STEEP1: variants seen among roughly 807,000 people sequenced by gnomAD.
The protein encoded by STEEP1 is STING1 ER exit protein 1.
STEEP1 carries 3 observed loss-of-function variants against 19.2 expected under a neutral mutation model. The ratio of observed to expected loss-of-function variants is 0.16; its 90% CI spans 0.07 to 0.40. STEEP1 has a LOEUF of 0.40. Among genes scored for constraint, STEEP1 ranks in the 10% least tolerant of loss-of-function variants. STEEP1 has a pLI of 0.99. For missense variants in STEEP1, 54 were observed against 177.1 expected, an observed-to-expected ratio of 0.30 and a Z score of 3.94; for synonymous variants, 46 against 63.7, an observed-to-expected ratio of 0.72 and a Z score of 1.32.
At chrX:119,546,650 A>C (rs1373281770) in intron 2 of STEEP1, among the ~76,000 whole-genome samples, 1 of 110,688 alleles carries the variant, frequency 9.0e-6, no homozygotes, top group African/African-American at 3.3e-5. Context: ...ATACCACCTT[A>C]GACACCAAGT....
At chrX:119,559,770 C>T (rs191465948) in intron 2 of STEEP1, among the ~76,000 whole-genome samples, 1 of 112,473 alleles carries the variant, frequency 8.9e-6, no homozygotes, top group East Asian at 2.8e-4. Flanking sequence ...ATGGAGGGGC[C>T]GGGCACAGTG....
chrX:119,546,375 A>G (rs940191899), intron 2 of STEEP1, among the ~76,000 whole-genome samples: 2 of 103,113 alleles, frequency 1.9e-5, no homozygotes, highest in African/African-American at 3.6e-5. Context: ...TGGAAGGCAG[A>G]GGCTGCAGTG....
chrX:119,562,337 G>T (rs929639928), intron 1 of STEEP1, among the ~76,000 whole-genome samples: 4 of 111,338 alleles, frequency 3.6e-5, no homozygotes, highest in Non-Finnish European at 7.5e-5. Context: ...TTTGAGACCG[G>T]CCTGACCAAC....
chrX:119,565,070 C>A, intron 1 of STEEP1, 162 bp downstream of exon 1: 1 of 847,100 alleles, frequency 1.2e-6, no homozygotes, highest in Non-Finnish European at 1.6e-6. Context: ...AAAAAAATGC[C>A]CTGGAGTGGG....
intron 2 of STEEP1, among the ~76,000 whole-genome samples, chrX:119,554,162 C>T (rs1421407743): frequency 8.9e-6 from 1 of 111,990 alleles, no homozygotes; most frequent in East Asian, 2.8e-4. Flanking sequence ...AAAACATTCT[C>T]GGCCGGGCAC....
Position 119,544,479 on chromosome X carries a change from C to A in STEEP1, c.297G>T (p.Pro99=). The part of the protein sequence containing the change: ...YRKKCAKCGL[P]LFYQSQPKNA... ...TCTTTGGCTGGGATTGGTAGAAGAG[C>A]GGCAGTCCACACCTGCAATGACACA... The change falls in exon 4 of 7, where the codon CCG becomes CCT. Residue 99 remains proline, a synonymous_variant. Transcript: ENST00000644802. The A allele has an allele frequency of 3.3e-6, 4 of 1,209,366 alleles. No homozygotes were observed. The highest frequency in any genetic ancestry group is 4.5e-6 in the Non-Finnish European group (4 of 893,949).
At chrX:119,550,550 A>G (rs1422372123) in intron 2 of STEEP1, among the ~76,000 whole-genome samples, 2 of 112,356 alleles carry the variant, frequency 1.8e-5, no homozygotes, top group Non-Finnish European at 3.8e-5. Flanking sequence ...CATGCTATAT[A>G]CAAAAATTAA....
chrX:119,557,496 GAA>G (rs1395902178), intron 2 of STEEP1, among the ~76,000 whole-genome samples: 41 of 27,615 alleles, frequency 1.5e-3, no homozygotes, highest in Non-Finnish European at 3.3e-3. Context: ...AAAAAAAAAA[GAA>G]AAAAGAAAAA....
At position 119,545,445 on chromosome X, in the gene STEEP1, C is replaced by T. The variant is rs1446941093; in HGVS notation, c.284+18G>A. 8.8e-7 allele frequency: 1 copy of T among 1,132,873 alleles called. No individual in the cohort carries two copies. Among genetic ancestry groups the T allele is most frequent in the East Asian group, 3.0e-5 (1 of 33,125 alleles). The allele number at this position is 1,132,873 out of a possible 1,213,427, so 93.4% of individuals were successfully genotyped here. Reference sequence around the variant, plus strand: ...CTACTTGCCTATGCTTGGAGAAACCCACATTGTTAATACTTACTTTGCACA... The same window carrying T: ...CTACTTGCCTATGCTTGGAGAAACCTACATTGTTAATACTTACTTTGCACA... On this transcript the variant is annotated intron_variant, in intron 3 of 6. Transcript: ENST00000644802.
At chrX:119,557,153 C>A (rs866945095) in intron 2 of STEEP1, among the ~76,000 whole-genome samples, 4 of 13,646 alleles carry the variant, frequency 2.9e-4, no homozygotes, top group Non-Finnish European at 2.8e-4. Context: ...GAGACTCTAT[C>A]TCAAAAAAAA....
chrX:119,557,496 GA>G (rs1395902178), intron 2 of STEEP1, among the ~76,000 whole-genome samples: 1 of 27,615 alleles, frequency 3.6e-5, no homozygotes, highest in East Asian at 2.1e-3. Flanking sequence ...AAAAAAAAAA[GA>G]AAAAAGAAAA....
At chrX:119,562,592 C>CA (rs757927293) in intron 1 of STEEP1, among the ~76,000 whole-genome samples, 37 of 19,272 alleles carry the variant, frequency 1.9e-3, no homozygotes, top group Non-Finnish European at 4.3e-3. Context: ...CCCAGCTACT[C>CA]AAGAGAATCA....
At chrX:119,548,377 A>ACAAAAAATTAGC (rs1405803481) in intron 2 of STEEP1, among the ~76,000 whole-genome samples, 5 of 109,007 alleles carry the variant, frequency 4.6e-5, no homozygotes, top group African/African-American at 1.7e-4. Flanking sequence ...CTACTAAGAT[A>ACAAAAAATTAGC]CAAAAAATTA....
intron 1 of STEEP1, among the ~76,000 whole-genome samples, chrX:119,564,331 A>G (rs1277520293): frequency 9.0e-6 from 1 of 110,612 alleles, no homozygotes; most frequent in East Asian, 2.9e-4. Context: ...CCCCGTCTCT[A>G]CTAAAAACAC....
chrX:119,564,638 A>C (rs1453897308), intron 1 of STEEP1, among the ~76,000 whole-genome samples: 2 of 112,006 alleles, frequency 1.8e-5, no homozygotes, highest in East Asian at 5.6e-4. Flanking sequence ...ATGAACATTG[A>C]TAACTGACCA....
At chrX:119,548,559 C>CA (rs2053223071) in intron 2 of STEEP1, among the ~76,000 whole-genome samples, 1 of 80,411 alleles carries the variant, frequency 1.2e-5, no homozygotes. Context: ...AAAAAAAAGA[C>CA]AAAAATTAAA....
rs2053180801 is a variant in STEEP1 at position 119,543,672 on chromosome X, G to A, written c.423+681C>T. ...CAATTTACTTTTTTTTGTAGAGATA[G>A]GGTCTCGCCGTGCTGCCCAGGCTGG... On this transcript the variant is annotated intron_variant, in intron 4 of 6. Transcript: ENST00000644802. 2.8e-5 allele frequency among the ~76,000 whole-genome samples: 3 copies of A among 109,058 alleles called. No individual in the cohort carries two copies. In the South Asian group the frequency reaches 1.2e-3, roughly 43 times the overall value. The allele number at this position is 109,058 out of a possible 115,157, so 94.7% of individuals were successfully genotyped here. A position where few individuals can be genotyped will look rare whatever the true frequency, so the allele number is the denominator to read the frequency against.
intron 2 of STEEP1, among the ~76,000 whole-genome samples, chrX:119,552,548 G>A (rs1272649663): frequency 8.0e-5 from 9 of 112,354 alleles, no homozygotes; most frequent in African/African-American, 2.9e-4. Flanking sequence ...TGCCCTCCCT[G>A]GACACGCCAC....
At chrX:119,563,271 G>A (rs1313248746) in intron 1 of STEEP1, among the ~76,000 whole-genome samples, 4 of 108,231 alleles carry the variant, frequency 3.7e-5, no homozygotes, top group East Asian at 5.8e-4. Context: ...GTGGTAGGCC[G>A]GCCGTGGTGG....
Sources: allele counts gnomAD v4.1 joint callset (sites outside exome capture counted in the v4.1 genomes callset), GRCh38; gene constraint gnomAD v4.1.1; transcripts MANE v1.5; gene names NCBI Gene and HGNC (gene_info 2026-07-23, HGNC 2026-07-21).